The following KIF1B variants were observed in gnomAD, a reference collection of about 807,000 sequenced individuals.
KIF1B encodes kinesin-like protein KIF1B.
Under a neutral mutation model 241.9 loss-of-function variants are expected in KIF1B, and 76 were observed. That is an observed-to-expected ratio of 0.31 (90% CI 0.26 to 0.38). The LOEUF (loss-of-function observed/expected upper bound fraction) is 0.38. Among genes scored for constraint, KIF1B ranks in the 10% least tolerant of loss-of-function variants. The pLI, the probability that KIF1B is intolerant of heterozygous loss-of-function variation, is 1.00. For synonymous variants in KIF1B, 750 were observed against 796.7 expected, an observed-to-expected ratio of 0.94 and a Z score of 0.99; for missense variants, 1,622 against 2,271.4, an observed-to-expected ratio of 0.71 and a Z score of 5.81.
Position 10,297,076 on chromosome 1 carries a change from A to C in KIF1B, c.2041A>C (p.Arg681=). The C allele has an allele frequency of 6.2e-7, 1 of 1,614,050 alleles. No individual in the cohort carries two copies. Among genetic ancestry groups the C allele is most frequent in the South Asian group, 1.1e-5 (1 of 91,082 alleles). ...TGATATGAAACAAGAGATGGAGAAAAGGTAATGCACAGTTACGCAGCCCAT... is the reference window on the plus strand; with the variant it reads ...TGATATGAAACAAGAGATGGAGAAACGGTAATGCACAGTTACGCAGCCCAT... ...GIDMKQEMEK[R]LQEMEILYKK... Residue 681 remains arginine, a splice_region_variant and synonymous_variant, in exon 21 of 49, where the codon AGG becomes CGG. Transcript: ENST00000676179.
At chr1:10,285,808 AT>A (rs1306735722) in intron 15 of KIF1B, among the ~76,000 whole-genome samples, 3 of 152,192 alleles carry the variant, frequency 2.0e-5, no homozygotes, top group Non-Finnish European at 4.4e-5. Context: ...ATGCTTGAGA[AT>A]ATCTAGGAAC....
intron 1 of KIF1B, among the ~76,000 whole-genome samples, chr1:10,211,454 G>A (rs1646692206): frequency 1.3e-5 from 2 of 151,906 alleles, no homozygotes; most frequent in African/African-American, 4.8e-5. Context: ...AGGCTGGTGT[G>A]GTCTCGGCAT....
chr1:10,340,917 C>T lies in KIF1B; in HGVS notation c.3513+1058C>T, dbSNP rs915410098. Among the ~76,000 whole-genome samples the T allele has an allele frequency of 2.0e-5, 3 of 152,246 alleles. No homozygotes were observed. In the East Asian group the frequency reaches 5.8e-4, roughly 29 times the overall value. ...CATGAAACTGTCTCTCATTCTCTTGCTAACCATGTCTGCTCTCTAAAGTAA... is the reference window on the plus strand; with the variant it reads ...CATGAAACTGTCTCTCATTCTCTTGTTAACCATGTCTGCTCTCTAAAGTAA... On this transcript the variant is annotated intron_variant, in intron 32 of 48. Coordinates refer to ENST00000676179, the MANE Select transcript of KIF1B (RefSeq NM_001365951.3).
chr1:10,321,802 G>A lies in KIF1B; in HGVS notation c.2303G>A (p.Gly768Asp), dbSNP rs2102296302. 1.2e-6 allele frequency: 2 copies of A among 1,614,178 alleles called. No homozygotes were observed. The highest frequency in any genetic ancestry group is 1.7e-6 in the Non-Finnish European group (2 of 1,180,030). The change falls in exon 24 of 49, where the codon GGC becomes GAC. Residue 768 changes from glycine to aspartate, a missense_variant. Transcript: ENST00000676179. ...ACTTCATTACGGGACTTACTCTGGG[G>A]CAATGCCGTGTACCTAAAGGAGGCC... ...QFTSLRDLLW[G>D]NAVYLKEANA... is the part of the protein sequence containing the mutation.
At chr1:10,339,903 A>AC in intron 32 of KIF1B, 44 bp downstream of exon 32, 1 of 1,525,932 alleles carries the variant, frequency 6.6e-7, no homozygotes, top group South Asian at 1.1e-5. Flanking sequence ...TTTTTCTGGT[A>AC]CCTTGGCTTT....
At chr1:10,248,535 C>T (rs1376027183) in intron 2 of KIF1B, among the ~76,000 whole-genome samples, 2 of 152,126 alleles carry the variant, frequency 1.3e-5, no homozygotes, top group African/African-American at 4.8e-5. Flanking sequence ...GGACCCATCT[C>T]TCTTGCTGCC....
intron 43 of KIF1B, among the ~76,000 whole-genome samples, chr1:10,367,848 C>A (rs950435190): frequency 1.3e-5 from 2 of 152,092 alleles, no homozygotes; most frequent in Non-Finnish European, 2.9e-5. Context: ...CCTTCCTCAG[C>A]CTCCCGAGTA....
At chr1:10,242,689 G>T (rs1268527170) in intron 2 of KIF1B, among the ~76,000 whole-genome samples, 9 of 151,964 alleles carry the variant, frequency 5.9e-5, no homozygotes, top group Non-Finnish European at 1.0e-4. Context: ...GCTAATTTTT[G>T]TATTTTTAGT....
chr1:10,255,297 A>T (rs141691502), intron 2 of KIF1B, among the ~76,000 whole-genome samples: 5 of 152,194 alleles, frequency 3.3e-5, no homozygotes, highest in African/African-American at 1.2e-4. Context: ...GTGCCTTGAA[A>T]TAGTAATGTG....
chr1:10,224,397 T>C (rs1023921455), intron 1 of KIF1B, among the ~76,000 whole-genome samples: 12 of 152,154 alleles, frequency 7.9e-5, no homozygotes, highest in Non-Finnish European at 1.3e-4. Flanking sequence ...ATTACAAGCG[T>C]GAGCTGCCGT....
intron 22 of KIF1B, among the ~76,000 whole-genome samples, chr1:10,318,799 A>G (rs1362493756): frequency 6.6e-6 from 1 of 152,190 alleles, no homozygotes; most frequent in Non-Finnish European, 1.5e-5. Context: ...CGCTGTTTGA[A>G]GGTCTCTTTC....
In KIF1B at chr1:10,225,272, G is replaced by A. The variant is rs981293711; in HGVS notation, c.-79-6978G>A. Among the ~76,000 whole-genome samples, 3 of 152,004 alleles carry A rather than the reference G, an allele frequency of 2.0e-5. No individual in the cohort carries two copies. In the South Asian group the frequency reaches 6.2e-4, roughly 32 times the overall value. On this transcript the variant is annotated intron_variant, in intron 1 of 48. Transcript: ENST00000676179. The stretch of plus-strand genomic sequence containing the variant: ...GCTGAGGCTGCAGTGAGCTGAGATG[G>A]TTCCACTGCACTCCAGTCTGGGTGG...
At chr1:10,300,829 AAAG>A (rs1650505605) in intron 22 of KIF1B, among the ~76,000 whole-genome samples, 1 of 152,254 alleles carries the variant, frequency 6.6e-6, no homozygotes, top group Non-Finnish European at 1.5e-5. Flanking sequence ...CTAAAAATGA[AAAG>A]AAAAATTAAT....
Position 10,326,336 on chromosome 1 carries a change from C to A in KIF1B, c.2901C>A (p.Ser967=). The change falls in exon 27 of 49, where the codon TCC becomes TCA. Residue 967 remains serine (S), a synonymous_variant. Coordinates refer to ENST00000676179, the MANE Select transcript of KIF1B (RefSeq NM_001365951.3). This position sits in a 1 kb window ranked among gnomAD's most constrained non-coding sequence, Gnocchi z 5.2. ...SDGHDPFYDR[S]PWFILVGRAF... ...GGCATGACCCGTTTTACGACCGATCCCCTTGGTTCATTTTAGTGGGAAGGT... is the reference window on the plus strand; with the variant it reads ...GGCATGACCCGTTTTACGACCGATCACCTTGGTTCATTTTAGTGGGAAGGT... 1 of 1,614,098 alleles carries A rather than the reference C, an allele frequency of 6.2e-7. No homozygotes were observed. The highest frequency in any genetic ancestry group is 8.5e-7 in the Non-Finnish European group (1 of 1,180,040).
At position 10,380,068 on chromosome 1, in the gene KIF1B, T is replaced by C. The variant is rs1005342775; in HGVS notation, c.*3481T>C. On this transcript the variant is annotated 3_prime_UTR_variant, in exon 49 of 49. Coordinates refer to ENST00000676179, the MANE Select transcript of KIF1B (RefSeq NM_001365951.3). ...TATGGATTTTTCAGCTCATTTCAGA[T>C]GAAGGAACTAAGTCATTGTGAACTG... is the stretch of plus-strand genomic sequence containing the variant. 5.2e-5 allele frequency: 12 copies of C among 228,708 alleles called. No individual in the cohort carries two copies. The highest frequency in any genetic ancestry group is 1.0e-4 in the Non-Finnish European group (12 of 115,078). The allele number at this position is 228,708 out of a possible 1,614,324, so 14.2% of individuals were successfully genotyped here.
rs530599994 is a variant in KIF1B, at chr1:10,256,925, T to C, written c.183+602T>C. 5.8e-4 allele frequency among the ~76,000 whole-genome samples: 89 copies of C among 152,164 alleles called. 1 individual carries two copies. Among genetic ancestry groups the C allele is most frequent in the African/African-American group, 2.1e-3 (88 of 41,536 alleles). On this transcript the variant is annotated intron_variant, in intron 3 of 48. Coordinates refer to ENST00000676179, the MANE Select transcript of KIF1B (RefSeq NM_001365951.3). The stretch of plus-strand genomic sequence containing the variant: ...CAGGATTTGACCATGTTGGCCAGGC[T>C]GGTCTCGAGCTTCTGACCTTAAGTG...
chr1:10,226,599 G>A (rs1646911698), intron 1 of KIF1B, among the ~76,000 whole-genome samples: 4 of 152,072 alleles, frequency 2.6e-5, no homozygotes, highest in African/African-American at 9.7e-5. Context: ...TGGCAATCTT[G>A]TTCTGTCATC....
At chr1:10,269,224 C>T (rs1648644203) in intron 7 of KIF1B, among the ~76,000 whole-genome samples, 1 of 152,090 alleles carries the variant, frequency 6.6e-6, no homozygotes, top group Admixed American at 6.6e-5. Flanking sequence ...TAAAAATATA[C>T]TCCTGCTGGG....
chr1:10,360,053 A>T (rs1399508541), intron 38 of KIF1B, among the ~76,000 whole-genome samples: 56 of 151,196 alleles, frequency 3.7e-4, no homozygotes, highest in African/African-American at 1.3e-3. Flanking sequence ...TAAAATAAAA[A>T]AATAATAAAA....
Sources: gnomAD v4.1 joint callset for allele counts (sites outside exome capture counted in the v4.1 genomes callset) on GRCh38, gnomAD v4.1.1 for gene constraint, Gnocchi (gnomAD v3.1) non-coding constraint, MANE v1.5 for transcripts, NCBI Gene and HGNC (gene_info 2026-07-23, HGNC 2026-07-21) for gene names.